The following SLC25A13 variants were observed in gnomAD, a reference collection of about 807,000 sequenced individuals.
The protein encoded by SLC25A13 is electrogenic aspartate/glutamate antiporter SLC25A13, mitochondrial.
Under a neutral mutation model 85.5 loss-of-function variants are expected in SLC25A13, and 70 were observed. The observed-to-expected ratio is 0.82, with a 90% confidence interval of 0.68 to 1.00. The LOEUF is 1.00. SLC25A13 is among the 50% of genes least tolerant of loss of function. The probability of loss-of-function intolerance (pLI) is 0.00; values close to 1 mark genes in which losing one functional copy is unlikely to be tolerated. For missense variants in SLC25A13, 765 were observed against 819.8 expected (o/e 0.93, Z 0.82); for synonymous variants, 259 against 288.7 (o/e 0.90, Z 1.04).
intron 5 of SLC25A13, 50 bp downstream of exon 5, chr7:96,208,788 A>G (rs1235919072): frequency 6.2e-7 from 1 of 1,609,506 alleles, no homozygotes; most frequent in Non-Finnish European, 8.5e-7. Context: ...TATAGGTGTG[A>G]GCCACCGTGC....
intron 3 of SLC25A13, among the ~76,000 whole-genome samples, chr7:96,262,582 G>C (rs1031207239): frequency 6.6e-6 from 1 of 152,140 alleles, no homozygotes; most frequent in African/African-American, 2.4e-5. Flanking sequence ...TATGGGTGAC[G>C]AAGAGCCTCT....
chr7:96,218,258 T>C lies in SLC25A13; in HGVS notation c.329-9281A>G, dbSNP rs184204608. 1.5e-3 allele frequency among the ~76,000 whole-genome samples: 228 copies of C among 152,322 alleles called. 1 individual carries two copies. The highest frequency in any genetic ancestry group is 2.5e-3 in the South Asian group (12 of 4,830). The stretch of plus-strand genomic sequence containing the variant: ...CCTCAAATATTTAAAATCCATCCTT[T>C]CTTGAGCTCATATGCTAAAATTTTG... On this transcript the variant is annotated intron_variant, in intron 4 of 17. Transcript: ENST00000265631.
At chr7:96,149,834 A>G (rs918913660) in intron 13 of SLC25A13, among the ~76,000 whole-genome samples, 4 of 152,244 alleles carry the variant, frequency 2.6e-5, no homozygotes, top group Non-Finnish European at 5.9e-5. Context: ...TCACAGTACC[A>G]TACCCATGGT....
chr7:96,189,955 C>T (rs1794780896), intron 7 of SLC25A13, among the ~76,000 whole-genome samples: 1 of 151,966 alleles, frequency 6.6e-6, no homozygotes, highest in African/African-American at 2.4e-5. Flanking sequence ...ATATATGAAA[C>T]TTCATATGCA....
Position 96,131,763 on chromosome 7 carries a change from A to T in SLC25A13, c.1571T>A (p.Leu524His). 1.9e-6 allele frequency: 3 copies of T among 1,614,120 alleles called. No homozygotes were observed. Among genetic ancestry groups the T allele is most frequent in the Non-Finnish European group, 2.5e-6 (3 of 1,180,006 alleles). Reference protein sequence around the residue: ...EDGQVSPGSLLLAGAIAGMPA... With the variant: ...EDGQVSPGSLHLAGAIAGMPA... Reference sequence around the variant, plus strand: ...CTCACCAGCTATGGCACCAGCTAAGAGCAGGCTTCCTGGGCTAACCTGCCC... The same window carrying T: ...CTCACCAGCTATGGCACCAGCTAAGTGCAGGCTTCCTGGGCTAACCTGCCC... The change falls in exon 15 of 18, where the codon CTC becomes CAC. Residue 524 changes from leucine (L) to histidine (H), a missense_variant. Coordinates refer to ENST00000265631, the MANE Select transcript of SLC25A13 (RefSeq NM_014251.3).
At chr7:96,163,128 A>G (rs996816918) in intron 13 of SLC25A13, among the ~76,000 whole-genome samples, 3 of 152,180 alleles carry the variant, frequency 2.0e-5, no homozygotes, top group African/African-American at 7.2e-5. Flanking sequence ...TGTAGGGTCT[A>G]ATTTCTCTCC....
intron 9 of SLC25A13, 50 bp downstream of exon 9, chr7:96,189,244 G>A: frequency 6.5e-7 from 1 of 1,530,014 alleles, no homozygotes; most frequent in Non-Finnish European, 9.0e-7. Flanking sequence ...CAGGGTTGGG[G>A]TATCCTGCTA....
intron 3 of SLC25A13, among the ~76,000 whole-genome samples, chr7:96,266,635 A>G (rs1025096614): frequency 1.3e-5 from 2 of 152,202 alleles, no homozygotes; most frequent in African/African-American, 4.8e-5. Flanking sequence ...GGCACCTGAC[A>G]TTCCTAGAGA....
intron 9 of SLC25A13, among the ~76,000 whole-genome samples, chr7:96,188,248 G>A (rs1429089859): frequency 6.6e-6 from 1 of 152,194 alleles, no homozygotes; most frequent in East Asian, 1.9e-4. Context: ...CAGAGAAATC[G>A]GCTTCCTCTT....
At chr7:96,192,680 C>T (rs971336866) in intron 6 of SLC25A13, among the ~76,000 whole-genome samples, 68 of 60,720 alleles carry the variant, frequency 1.1e-3, no homozygotes, top group South Asian at 2.4e-3. Flanking sequence ...TATACATGTG[C>T]ACTATTTTTT....
rs370381293 is a variant in SLC25A13 at position 96,168,335 on chromosome 7, T to C, written c.1311+1710A>G. Among the ~76,000 whole-genome samples the C allele has an allele frequency of 2.0e-4, 30 of 152,142 alleles. No homozygotes were observed. In the East Asian group the frequency reaches 3.7e-3, roughly 19 times the overall value. On this transcript the variant is annotated intron_variant, in intron 13 of 17. Coordinates refer to ENST00000265631, the MANE Select transcript of SLC25A13 (RefSeq NM_014251.3). ...AGGACCACTGTCTACCTCTTTGAGA[T>C]GAAGGATGGCAAACCTCATTTCACA...
chr7:96,270,602 T>C (rs1441690893), intron 3 of SLC25A13, among the ~76,000 whole-genome samples: 1 of 150,642 alleles, frequency 6.6e-6, no homozygotes, highest in African/African-American at 2.4e-5. Context: ...CAGTGGCACA[T>C]GCCTGTAATC....
chr7:96,134,192 G>A (rs1018634565), intron 14 of SLC25A13, among the ~76,000 whole-genome samples: 4 of 151,514 alleles, frequency 2.6e-5, no homozygotes, highest in African/African-American at 7.3e-5. Context: ...CTGCCACCAC[G>A]CCCAGCTAGT....
intron 14 of SLC25A13, among the ~76,000 whole-genome samples, chr7:96,135,609 C>G (rs1044422148): frequency 1.1e-4 from 16 of 152,140 alleles, no homozygotes; most frequent in Admixed American, 7.9e-4. Context: ...AGTACTACAG[C>G]AAAACATAAA....
chr7:96,250,896 T>C (rs897891715), intron 3 of SLC25A13, among the ~76,000 whole-genome samples: 2 of 152,092 alleles, frequency 1.3e-5, no homozygotes, highest in Admixed American at 6.5e-5. Context: ...CATGGAACAT[T>C]ATGTGTTCAA....
intron 3 of SLC25A13, among the ~76,000 whole-genome samples, chr7:96,269,580 T>A (rs1798157053): frequency 6.6e-6 from 1 of 152,238 alleles, no homozygotes; most frequent in Admixed American, 6.5e-5. Context: ...AACAGCTACA[T>A]GAGTGTATTC....
intron 13 of SLC25A13, among the ~76,000 whole-genome samples, chr7:96,160,980 T>C (rs1793486739): frequency 6.6e-6 from 1 of 152,052 alleles, no homozygotes; most frequent in African/African-American, 2.4e-5. Context: ...TAGCATTTTT[T>C]TTTTTTTTTT....
intron 2 of SLC25A13, among the ~76,000 whole-genome samples, chr7:96,278,553 A>G (rs911391680): frequency 3.3e-5 from 5 of 152,166 alleles, no homozygotes; most frequent in Non-Finnish European, 7.3e-5. Flanking sequence ...AGCTTTTGGT[A>G]CCTCTGGTTC....
intron 1 of SLC25A13, 133 bp from the exon 2 acceptor site, chr7:96,297,084 A>C (rs1799378351): frequency 2.5e-6 from 2 of 804,308 alleles, no homozygotes; most frequent in African/African-American, 3.4e-5. Flanking sequence ...ATGTTGCCCC[A>C]GTGCATAAAC....
Sources: gnomAD v4.1 joint callset for allele counts (sites outside exome capture counted in the v4.1 genomes callset) on GRCh38, gnomAD v4.1.1 for gene constraint, MANE v1.5 for transcripts, NCBI Gene and HGNC (gene_info 2026-07-23, HGNC 2026-07-21) for gene names.